The following KIAA1328 variants were observed in gnomAD, a reference collection of about 807,000 sequenced individuals.
KIAA1328 encodes the protein protein hinderin.
Under a neutral mutation model 68.1 loss-of-function variants are expected in KIAA1328, and 52 were observed. That is an observed-to-expected ratio of 0.76 (90% CI 0.61 to 0.96). KIAA1328 has a LOEUF of 0.96. Ranked by LOEUF, KIAA1328 falls within the 40% of genes least tolerant of loss-of-function variation. The pLI is 0.00. For synonymous variants in KIAA1328, 232 were observed against 239.4 expected (o/e 0.97, Z 0.28); for missense variants, 641 against 677.6 (o/e 0.95, Z 0.60).
chr18:37,082,258 G>T (rs1309889676), intron 7 of KIAA1328, among the ~76,000 whole-genome samples: 1 of 136,698 alleles, frequency 7.3e-6, no homozygotes, highest in Non-Finnish European at 1.5e-5. Context: ...TGCAACCTCT[G>T]TCTCCTGGGT....
intron 5 of KIAA1328, among the ~76,000 whole-genome samples, chr18:36,949,098 G>T (rs1026963660): frequency 6.6e-6 from 1 of 152,156 alleles, no homozygotes; most frequent in African/African-American, 2.4e-5. Context: ...CTTCTTGGGG[G>T]AGAGGTATGA....
intron 6 of KIAA1328, among the ~76,000 whole-genome samples, chr18:37,028,042 T>C (rs943476231): frequency 1.3e-5 from 2 of 151,974 alleles, no homozygotes; most frequent in African/African-American, 4.8e-5. Flanking sequence ...AAAAAGTGGG[T>C]GAAGGATATG....
chr18:36,855,173 G>A (rs925199019), intron 4 of KIAA1328, among the ~76,000 whole-genome samples: 8 of 152,130 alleles, frequency 5.3e-5, no homozygotes, highest in African/African-American at 1.9e-4. Context: ...TATACAACTA[G>A]GAATGGGATT....
At chr18:36,869,616 T>C (rs757854698) in intron 4 of KIAA1328, among the ~76,000 whole-genome samples, 2 of 151,218 alleles carry the variant, frequency 1.3e-5, no homozygotes, top group Non-Finnish European at 3.0e-5. Flanking sequence ...GCAGTTTTCA[T>C]GTTCATGTGC....
At chr18:37,037,210 T>A (rs1437810558) in intron 6 of KIAA1328, among the ~76,000 whole-genome samples, 1 of 152,168 alleles carries the variant, frequency 6.6e-6, no homozygotes, top group Non-Finnish European at 1.5e-5. Flanking sequence ...TTTCAGCTAA[T>A]CGACTCTAAA....
intron 4 of KIAA1328, among the ~76,000 whole-genome samples, chr18:36,854,152 C>CA (rs1297048342): frequency 9.2e-5 from 14 of 152,158 alleles, no homozygotes; most frequent in Non-Finnish European, 2.1e-4. Flanking sequence ...GATTGGAACA[C>CA]AGACATGCAT....
intron 7 of KIAA1328, among the ~76,000 whole-genome samples, chr18:37,076,228 T>G (rs1396701120): frequency 1.3e-5 from 2 of 152,148 alleles, no homozygotes; most frequent in Non-Finnish European, 2.9e-5. Flanking sequence ...TGCTCCTGAA[T>G]GACTACTGGG....
At chr18:37,197,505 T>C (rs1378883223) in intron 9 of KIAA1328, among the ~76,000 whole-genome samples, 1 of 152,120 alleles carries the variant, frequency 6.6e-6, no homozygotes, top group Non-Finnish European at 1.5e-5. Flanking sequence ...AGAATATTAA[T>C]TTTCTGGAGA....
chr18:37,133,549 G>A (rs1190953253), intron 7 of KIAA1328, among the ~76,000 whole-genome samples: 10 of 136,426 alleles, frequency 7.3e-5, no homozygotes, highest in Admixed American at 3.1e-4. Flanking sequence ...TTTTTGAGAC[G>A]GAGTCTCGCT....
At chr18:37,159,525 C>T (rs1471144784) in intron 7 of KIAA1328, among the ~76,000 whole-genome samples, 1 of 152,076 alleles carries the variant, frequency 6.6e-6, no homozygotes, top group Non-Finnish European at 1.5e-5. Flanking sequence ...TGAGAGATAA[C>T]ACATCATTAG....
rs115309535 is a variant in KIAA1328, at chr18:37,187,207, C to A, written c.1523+14126C>A. Among the ~76,000 whole-genome samples, 645 of 152,170 alleles carry A rather than the reference C, an allele frequency of 4.2e-3. 1 individual carries two copies. Among genetic ancestry groups the A allele is most frequent in the African/African-American group, 0.015 (625 of 41,506 alleles). ...TTATCGTGTTGCTTGGAACCCACCCCCAAATCCTAATAAATGATCAACTTG... is the reference window on the plus strand; with the variant it reads ...TTATCGTGTTGCTTGGAACCCACCCACAAATCCTAATAAATGATCAACTTG... On this transcript the variant is annotated intron_variant, in intron 9 of 9. Transcript: ENST00000280020.
intron 7 of KIAA1328, among the ~76,000 whole-genome samples, chr18:37,135,446 T>C (rs1410792209): frequency 6.6e-6 from 1 of 152,220 alleles, no homozygotes; most frequent in African/African-American, 2.4e-5. Context: ...ATTTCTCTGA[T>C]GATTAGTGAT....
At chr18:37,108,864 G>T (rs978030849) in intron 7 of KIAA1328, among the ~76,000 whole-genome samples, 15 of 152,116 alleles carry the variant, frequency 9.9e-5, no homozygotes, top group African/African-American at 3.6e-4. Context: ...GTTACATGTT[G>T]GTTTGCTGCA....
intron 5 of KIAA1328, among the ~76,000 whole-genome samples, chr18:36,893,930 G>C (rs566161267): frequency 6.6e-6 from 1 of 152,110 alleles, no homozygotes; most frequent in Admixed American, 6.6e-5. Context: ...CCTATTAGAA[G>C]TATTAGTGCT....
intron 3 of KIAA1328, among the ~76,000 whole-genome samples, chr18:36,841,379 C>T (rs1465167159): frequency 6.6e-6 from 1 of 151,330 alleles, no homozygotes; most frequent in Non-Finnish European, 1.5e-5. Context: ...GTGTTGGGCC[C>T]ATAGACTGCC....
At chr18:37,165,510 C>A (rs924016390) in intron 8 of KIAA1328, among the ~76,000 whole-genome samples, 7 of 151,610 alleles carry the variant, frequency 4.6e-5, no homozygotes, top group Non-Finnish European at 8.8e-5. Context: ...GCCTCCACCT[C>A]CTAGGTTCAA....
chr18:37,078,493 C>G (rs1222417148), intron 7 of KIAA1328, among the ~76,000 whole-genome samples: 7 of 149,890 alleles, frequency 4.7e-5, no homozygotes, highest in Non-Finnish European at 1.0e-4. Flanking sequence ...TCTAATTAAA[C>G]TAAAGAGCTT....
chr18:36,940,354 C>G (rs2151182221), intron 5 of KIAA1328, among the ~76,000 whole-genome samples: 1 of 152,312 alleles, frequency 6.6e-6, no homozygotes, highest in East Asian at 1.9e-4. Flanking sequence ...ACCAGTGCTG[C>G]TGTCCCTGGA....
intron 7 of KIAA1328, among the ~76,000 whole-genome samples, chr18:37,121,701 A>T (rs2058276522): frequency 6.6e-6 from 1 of 152,174 alleles, no homozygotes; most frequent in Non-Finnish European, 1.5e-5. Flanking sequence ...TAAAGTGAAT[A>T]TAGAAGAGTT....
Sources: allele counts gnomAD v4.1 joint callset (sites outside exome capture counted in the v4.1 genomes callset), GRCh38; gene constraint gnomAD v4.1.1; transcripts MANE v1.5; gene names NCBI Gene and HGNC (gene_info 2026-07-23, HGNC 2026-07-21).